Variants in SVIL observed in about 807,000 individuals in gnomAD.
SVIL encodes the protein supervillin.
In SVIL, 101 loss-of-function variants were observed where a neutral mutation model predicts 240.4. The observed-to-expected ratio is 0.42, with a 90% CI of 0.36 to 0.50. SVIL has a LOEUF of 0.50. Ranked by LOEUF, SVIL falls within the 20% of genes least tolerant of loss-of-function variation. The pLI, the probability that SVIL is intolerant of heterozygous loss-of-function variation, is 0.01. For missense variants in SVIL, 2,512 were observed against 2,818.7 expected (o/e 0.89, Z 2.46); for synonymous variants, 999 against 1,100.0 (o/e 0.91, Z 1.82).
chr10:29,594,058 G>A (rs1956487902), intron 1 of SVIL, among the ~76,000 whole-genome samples: 1 of 152,150 alleles, frequency 6.6e-6, no homozygotes, highest in Admixed American at 6.5e-5. Context: ...AGGTTTTTGA[G>A]CTTCGACATG....
At chr10:29,550,316 C>T (rs1243346436) in intron 6 of SVIL, among the ~76,000 whole-genome samples, 1 of 151,750 alleles carries the variant, frequency 6.6e-6, no homozygotes, top group East Asian at 1.9e-4. Context: ...GTGGCATGTG[C>T]CTGTGGTTCC....
rs765428616 is a variant in SVIL at position 29,550,662 on chromosome 10, C to T, written c.762G>A (p.Leu254=). The change falls in exon 6 of 38, where the codon CTG becomes CTA. Residue 254 remains leucine, a synonymous_variant. Coordinates refer to ENST00000355867, the MANE Select transcript of SVIL (RefSeq NM_021738.3). ...AGGGGCTCCGGGAGGCTGCCTGCTG[C>T]AGGGAGGAGCTGTGGGCGTGCTTGG... ...RSPKHAHSSS[L]QQAASRSPSF... is the part of the protein sequence containing the mutation. 1.2e-6 allele frequency: 2 copies of T among 1,613,794 alleles called. No individual in the cohort carries two copies. Among genetic ancestry groups the T allele is most frequent in the Non-Finnish European group, 1.7e-6 (2 of 1,179,896 alleles).
intron 3 of SVIL, among the ~76,000 whole-genome samples, chr10:29,642,470 C>A (rs28544179): frequency 0.36 from 24,690 of 69,318 alleles, 2,753 homozygotes; most frequent in African/African-American, 0.43. Flanking sequence ...AAAGAAAGAC[C>A]GACCCCTAAT....
At chr10:29,470,559 G>A (rs1945452533) in intron 31 of SVIL, 76 bp from the exon 32 acceptor site, 17 of 1,546,772 alleles carry the variant, frequency 1.1e-5, no homozygotes, top group South Asian at 9.1e-5. Context: ...CCTAGTGTCC[G>A]CTGTGTCGTC....
chr10:29,519,047 C>T (rs1589086040), intron 16 of SVIL, among the ~76,000 whole-genome samples: 1 of 152,204 alleles, frequency 6.6e-6, no homozygotes, highest in South Asian at 2.1e-4. Flanking sequence ...TTATAAAAAA[C>T]GATGAAGGAA....
At chr10:29,576,059 C>T (rs183045384) in intron 1 of SVIL, 1 of 980,472 alleles carries the variant, frequency 1.0e-6, no homozygotes, top group Non-Finnish European at 1.2e-6. Context: ...TCCCATGAAA[C>T]TTGAAATTGG....
rs543510477 is a variant in SVIL, at chr10:29,688,368, C to T, written c.-399-1717G>A. Reference sequence around the variant, plus strand: ...TACCTCCCAGGTGATCAGATGCTCCCTAGAGTGTGGCAGGGGCAGCCAAGC... The same window carrying T: ...TACCTCCCAGGTGATCAGATGCTCCTTAGAGTGTGGCAGGGGCAGCCAAGC... On this transcript the variant is annotated intron_variant, in intron 1 of 35. Transcript: ENST00000375400. Among the ~76,000 whole-genome samples the T allele has an allele frequency of 3.3e-5, 5 of 152,274 alleles. No individual in the cohort carries two copies. In the South Asian group the frequency reaches 8.3e-4, roughly 25 times the overall value.
At chr10:29,535,890 A>T in intron 7 of SVIL, 99 bp downstream of exon 7, 1 of 1,262,192 alleles carries the variant, frequency 7.9e-7, no homozygotes, top group Non-Finnish European at 1.1e-6. Context: ...CACTGGTATT[A>T]AAGAAGGCAA....
At chr10:29,717,741 G>A (rs11007709) in intron 1 of SVIL, among the ~76,000 whole-genome samples, 29,271 of 152,070 alleles carry the variant, frequency 0.19, 3,452 homozygotes, top group African/African-American at 0.34. Flanking sequence ...AGTTGAATGC[G>A]AATATCGTGG....
chr10:29,697,066 C>A (rs1219521684), intron 1 of SVIL, among the ~76,000 whole-genome samples: 1 of 127,728 alleles, frequency 7.8e-6, no homozygotes, highest in South Asian at 2.6e-4. Flanking sequence ...AGGTGAGGGG[C>A]GCCTCTGCCC....
At chr10:29,462,231 CA>C (rs1471551051) in intron 36 of SVIL, 45 bp downstream of exon 36, 1 of 1,585,864 alleles carries the variant, frequency 6.3e-7, no homozygotes, top group Non-Finnish European at 8.6e-7. Context: ...ACCCACAATC[CA>C]AAAGGCGCAG....
intron 1 of SVIL, among the ~76,000 whole-genome samples, chr10:29,730,784 G>C (rs1247631336): frequency 6.6e-6 from 1 of 152,160 alleles, no homozygotes; most frequent in Non-Finnish European, 1.5e-5. Flanking sequence ...ACATGCCCAA[G>C]CAATTATGGC....
intron 16 of SVIL, among the ~76,000 whole-genome samples, chr10:29,521,342 A>G (rs1435653798): frequency 6.6e-6 from 1 of 152,096 alleles, no homozygotes; most frequent in Non-Finnish European, 1.5e-5. Context: ...TGGTCAGTGA[A>G]GCCTGCAGAC....
intron 6 of SVIL, 72 bp from the exon 7 acceptor site, chr10:29,536,141 C>T: frequency 4.2e-6 from 6 of 1,430,742 alleles, no homozygotes; most frequent in Non-Finnish European, 5.9e-6. Context: ...TTTACCATAA[C>T]TTAAAACCTA....
At chr10:29,668,973 G>A (rs1404519495) in intron 2 of SVIL, among the ~76,000 whole-genome samples, 1 of 152,136 alleles carries the variant, frequency 6.6e-6, no homozygotes, top group Non-Finnish European at 1.5e-5. Context: ...TACTGTTCTA[G>A]GCACTATAGG....
chr10:29,556,450 G>GCATACA (rs1953944723), intron 3 of SVIL, among the ~76,000 whole-genome samples: 1 of 152,080 alleles, frequency 6.6e-6, no homozygotes, highest in Admixed American at 6.5e-5. Context: ...ACACATGCAC[G>GCATACA]CATACACACA....
chr10:29,558,931 AT>A (rs2086025823), intron 3 of SVIL, among the ~76,000 whole-genome samples: 2 of 50,264 alleles, frequency 4.0e-5, no homozygotes, highest in Non-Finnish European at 7.0e-5. Context: ...CTGCCTCGAA[AT>A]ATATATATAT....
Position 29,550,751 on chromosome 10 carries a change from C to T in SVIL, c.673G>A (p.Glu225Lys), listed in dbSNP as rs763215206. The change falls in exon 6 of 38, where the codon GAG (glutamate) becomes AAG (lysine). Residue 225 changes from glutamate (E) to lysine (K), a missense_variant. Physicochemically the swap from Glu to Lys is moderately conservative, Grantham distance 56 (BLOSUM62 1). Coordinates refer to ENST00000355867, the MANE Select transcript of SVIL (RefSeq NM_021738.3). Reference protein sequence around the residue: ...RQAHDLSPAAESSSTFSFSGR... With the variant: ...RQAHDLSPAAKSSSTFSFSGR... Reference sequence around the variant, plus strand: ...GAGAAAGAGAAGGTCGAGGAACTCTCGGCTGCTGGGGACAGGTCATGGGCC... The same window carrying T: ...GAGAAAGAGAAGGTCGAGGAACTCTTGGCTGCTGGGGACAGGTCATGGGCC... The T allele has an allele frequency of 3.2e-5, 51 of 1,613,992 alleles. No homozygotes were observed. Among genetic ancestry groups the T allele is most frequent in the Non-Finnish European group, 4.0e-5 (47 of 1,180,034 alleles).
chr10:29,654,349 G>A (rs1311575708), intron 3 of SVIL, among the ~76,000 whole-genome samples: 1 of 151,906 alleles, frequency 6.6e-6, no homozygotes, highest in African/African-American at 2.4e-5. Context: ...TTCATTACAA[G>A]TATATATAAC....
Sources: allele counts gnomAD v4.1 joint callset (sites outside exome capture counted in the v4.1 genomes callset), GRCh38; gene constraint gnomAD v4.1.1; transcripts MANE v1.5; gene names NCBI Gene and HGNC (gene_info 2026-07-23, HGNC 2026-07-21).